Variants in AHNAK observed in about 807,000 individuals in gnomAD.
AHNAK encodes the protein neuroblast differentiation-associated protein AHNAK.
A neutral mutation model predicts 37.8 loss-of-function variants in AHNAK; 23 were observed. That is an observed-to-expected ratio of 0.61 (90% CI 0.44 to 0.86). The LOEUF (loss-of-function observed/expected upper bound fraction) is 0.86. Among genes scored for constraint, AHNAK ranks in the 40% least tolerant of loss-of-function variants. The pLI is 0.00. For missense variants in AHNAK, 7,411 were observed against 7,319.4 expected (o/e 1.01, Z -0.46); for synonymous variants, 2,481 against 2,636.3 (o/e 0.94, Z 1.80).
chr11:62,483,465 G>A (rs1292959902), intron 5 of AHNAK, among the ~76,000 whole-genome samples: 2 of 152,178 alleles, frequency 1.3e-5, no homozygotes, highest in Non-Finnish European at 2.9e-5. Context: ...GGTGGCTCGC[G>A]CCTGTAATCC....
At chr11:62,464,661 C>G (rs1938866344) in intron 5 of AHNAK, among the ~76,000 whole-genome samples, 1 of 130,634 alleles carries the variant, frequency 7.7e-6, no homozygotes, top group South Asian at 3.5e-4. Flanking sequence ...GACCAAGATT[C>G]CGTCTCAAAA....
chr11:62,540,152 C>T (rs985803766), intron 1 of AHNAK, among the ~76,000 whole-genome samples: 2 of 152,222 alleles, frequency 1.3e-5, no homozygotes, highest in Non-Finnish European at 2.9e-5. Context: ...ACGATTCAGC[C>T]AAGTGCCATA....
Position 62,530,726 on chromosome 11 carries a change from T to C in AHNAK, c.3691A>G (p.Ile1231Val). Residue 1231 changes from isoleucine to valine, a missense_variant, in exon 5 of 5, where the codon ATC becomes GTC. By Grantham distance (29) the Ile-to-Val change is conservative. Transcript: ENST00000378024. Reference sequence around the variant, plus strand: ...TCAATGTCCATTTTGGGTCCTTTGATTTCAACATCTGGCACTTTCATTTCA... The same window carrying C: ...TCAATGTCCATTTTGGGTCCTTTGACTTCAACATCTGGCACTTTCATTTCA... ...EGEMKVPDVEIKGPKMDIDAP... is the reference protein window; with the variant it reads ...EGEMKVPDVEVKGPKMDIDAP... 1 of 1,613,858 alleles carries C rather than the reference T, an allele frequency of 6.2e-7. No homozygotes were observed. The highest frequency in any genetic ancestry group is 8.5e-7 in the Non-Finnish European group (1 of 1,179,976).
rs372244691 is a variant in AHNAK, at chr11:62,525,557, G to A, written c.8860C>T (p.Pro2954Ser). ...GKLKGPKFKM[P>S]EMNIKAPKIP... is the part of the protein sequence containing the mutation. Reference sequence around the variant, plus strand: ...TTGGGGGCTTTGATATTCATCTCTGGCATCTTGAACTTGGGCCCTTTCAAC... The same window carrying A: ...TTGGGGGCTTTGATATTCATCTCTGACATCTTGAACTTGGGCCCTTTCAAC... The change falls in exon 5 of 5, where the codon CCA becomes TCA. Residue 2954 changes from proline (P) to serine (S), a missense_variant. By Grantham distance (74) the Pro-to-Ser change is moderately conservative (BLOSUM62 -1). Coordinates refer to ENST00000378024, the MANE Select transcript of AHNAK (RefSeq NM_001620.3). 3 of 1,613,794 alleles carry A rather than the reference G, an allele frequency of 1.9e-6. No individual in the cohort carries two copies. The highest frequency in any genetic ancestry group is 1.3e-5 in the African/African-American group (1 of 74,874).
At position 62,477,899 on chromosome 11, in the gene AHNAK, TA is replaced by T. The variant is rs531917960; in HGVS notation, c.442+13832del. On this transcript the variant is annotated intron_variant, in intron 5 of 5. Transcript: ENST00000257247. ...GATGGTTGTGCAGAAACCTGGAAGA[TA>T]ATTGGCTTAGGGGATGGGGGGCCTT... Among the ~76,000 whole-genome samples the T allele has an allele frequency of 1.2e-4, 18 of 151,940 alleles. 1 individual carries two copies. Among genetic ancestry groups the T allele is most frequent in the Non-Finnish European group, 1.9e-4 (13 of 67,962 alleles).
chr11:62,510,813 A>G (rs1268520452), intron 4 of AHNAK, among the ~76,000 whole-genome samples: 1 of 152,088 alleles, frequency 6.6e-6, no homozygotes, highest in Non-Finnish European at 1.5e-5. Flanking sequence ...ATTAAAGCAA[A>G]CAAAGTAAAT....
chr11:62,512,934 A>C (rs1388265362), downstream of AHNAK, among the ~76,000 whole-genome samples: 1 of 150,200 alleles, frequency 6.7e-6, no homozygotes, highest in Non-Finnish European at 1.5e-5. The surrounding 1 kb of genome is among the most constrained non-coding windows in gnomAD (Gnocchi z 4.0). Context: ...GAAGGAAGGG[A>C]GGGAGGGAGG....
intron 5 of AHNAK, among the ~76,000 whole-genome samples, chr11:62,456,311 AC>A (rs1938657606): frequency 6.6e-6 from 1 of 152,206 alleles, no homozygotes; most frequent in South Asian, 2.1e-4. Context: ...GGCCTTTGCC[AC>A]TTTCTGTGGC....
rs1940844752 is a variant in AHNAK at position 62,533,637 on chromosome 11, G to A, written c.780C>T (p.Val260=). The A allele has an allele frequency of 1.2e-6, 2 of 1,614,102 alleles. No homozygotes were observed. The highest frequency in any genetic ancestry group is 2.7e-5 in the African/African-American group (2 of 75,008). The change falls in exon 5 of 5, where the codon GTC becomes GTT. Residue 260 remains valine (V), a synonymous_variant. Transcript: ENST00000378024. ...GIKVGGSGVN[V]NAKGLDLGGR... is the part of the protein sequence containing the mutation. ...CACCCAAGTCCAAGCCCTTTGCATT[G>A]ACATTGACACCTGAGCCTCCCACCT...
In AHNAK at chr11:62,526,341, C is replaced by A. The variant is rs779961267; in HGVS notation, c.8076G>T (p.Gly2692=). ...NIEGPEGKLK[G]PKFKMPEMNI... is the part of the protein sequence containing the mutation. The stretch of plus-strand genomic sequence containing the variant: ...TCATCTCTGGCATCTTGAACTTAGG[C>A]CCTTTCAACTTTCCCTCTGGTCCTT... The change falls in exon 5 of 5, where the codon GGG becomes GGT. Residue 2692 remains glycine (G), a synonymous_variant. Coordinates refer to ENST00000378024, the MANE Select transcript of AHNAK (RefSeq NM_001620.3). The A allele has an allele frequency of 6.2e-7, 1 of 1,612,028 alleles. No homozygotes were observed. Among genetic ancestry groups the A allele is most frequent in the Non-Finnish European group, 8.5e-7 (1 of 1,179,486 alleles).
chr11:62,536,492 C>T lies in AHNAK; in HGVS notation c.-24G>A, dbSNP rs572119037. The T allele has an allele frequency of 3.0e-5, 5 of 169,272 alleles. No individual in the cohort carries two copies. Among genetic ancestry groups the T allele is most frequent in the Non-Finnish European group, 5.0e-5 (4 of 79,774 alleles). The allele number at this position is 169,272 out of a possible 1,614,324, so 10.5% of individuals were successfully genotyped here. A position where few individuals can be genotyped will look rare whatever the true frequency, so the allele number is the denominator to read the frequency against. On this transcript the variant is annotated 5_prime_UTR_variant, in exon 2 of 5. Transcript: ENST00000378024. ...ACCTTTGCAGGATTCCGCTCAGGAG[C>T]GAATGCCTTGCCAGGAGCCCGCCCC...
At chr11:62,452,813 T>C (rs1169998332) in intron 5 of AHNAK, among the ~76,000 whole-genome samples, 2 of 151,940 alleles carry the variant, frequency 1.3e-5, no homozygotes, top group Non-Finnish European at 2.9e-5. Context: ...TCACTTGAGG[T>C]CAGGAGTTGG....
chr11:62,488,335 A>G (rs1479214043), intron 5 of AHNAK, among the ~76,000 whole-genome samples: 1 of 152,178 alleles, frequency 6.6e-6, no homozygotes, highest in African/African-American at 2.4e-5. Context: ...CCCAAAGAGC[A>G]ATAGAGAAAT....
chr11:62,514,577 G>A (rs907116703), downstream of AHNAK, among the ~76,000 whole-genome samples: 2 of 152,136 alleles, frequency 1.3e-5, no homozygotes, highest in African/African-American at 4.8e-5. Context: ...CTGTCACATG[G>A]ATGCTGCACA....
chr11:62,535,290 AC>A, intron 3 of AHNAK, 100 bp from the exon 4 acceptor site: 2 of 1,084,088 alleles, frequency 1.8e-6, no homozygotes, highest in Non-Finnish European at 2.7e-6. Context: ...TGAACTCATG[AC>A]CACCCTGCAA....
At chr11:62,481,359 G>A (rs936329147) in intron 5 of AHNAK, among the ~76,000 whole-genome samples, 14 of 151,826 alleles carry the variant, frequency 9.2e-5, no homozygotes, top group Non-Finnish European at 1.5e-4. Context: ...CACCCACCTC[G>A]GCCTCCCAGA....
At chr11:62,446,892 A>G (rs1938431750) in intron 5 of AHNAK, among the ~76,000 whole-genome samples, 1 of 151,868 alleles carries the variant, frequency 6.6e-6, no homozygotes, top group South Asian at 2.1e-4. Context: ...AACTGAAAAG[A>G]TCTCCCTATG....
Position 62,516,914 on chromosome 11 carries a change from G to T in AHNAK, c.17503C>A (p.His5835Asn), listed in dbSNP as rs377131585. 85 of 1,613,952 alleles carry T rather than the reference G, an allele frequency of 5.3e-5. No homozygotes were observed. In the African/African-American group the frequency reaches 9.5e-4, roughly 18 times the overall value. The change falls in exon 5 of 5, where the codon CAT becomes AAT. Residue 5835 changes from histidine (H) to asparagine (N), a missense_variant. Coordinates refer to ENST00000378024, the MANE Select transcript of AHNAK (RefSeq NM_001620.3). ...TCATCGCTCCCAGTCACCTCATAAT[G>T]ACCTTTGCTCTTTGACCCCAATCCA... Reference protein sequence around the residue: ...FGGLGSKSKGHYEVTGSDDET... With the variant: ...FGGLGSKSKGNYEVTGSDDET...
rs1048190903 is a variant in AHNAK at position 62,527,504 on chromosome 11, T to A, written c.6913A>T (p.Met2305Leu). 1.9e-6 allele frequency: 3 copies of A among 1,613,752 alleles called. No individual in the cohort carries two copies. Among genetic ancestry groups the A allele is most frequent in the South Asian group, 2.2e-5 (2 of 91,064 alleles). ...LKGPKFKMPE[M>L]HFKTPKISMP... ...GAGATCTTGGGGGTCTTGAAGTGCA[T>A]CTCAGGCATCTTAAACTTGGGGCCC... The change falls in exon 5 of 5, where the codon ATG becomes TTG. Residue 2305 changes from methionine to leucine, a missense_variant. Physicochemically the swap from Met to Leu is conservative, Grantham distance 15 (BLOSUM62 2). Coordinates refer to ENST00000378024, the MANE Select transcript of AHNAK (RefSeq NM_001620.3).
Sources: allele counts gnomAD v4.1 joint callset (sites outside exome capture counted in the v4.1 genomes callset), GRCh38; gene constraint gnomAD v4.1.1; non-coding constraint Gnocchi (gnomAD v3.1); transcripts MANE v1.5; gene names NCBI Gene and HGNC (gene_info 2026-07-23, HGNC 2026-07-21).